MGAT4C: variants seen among roughly 807,000 people sequenced by gnomAD.
MGAT4C encodes the protein MGAT4 family member C.
Under a neutral mutation model 40.1 loss-of-function variants are expected in MGAT4C, and 19 were observed. That is an observed-to-expected ratio of 0.47 (90% CI 0.33 to 0.70). The LOEUF is 0.70. MGAT4C is among the 30% of genes least tolerant of loss of function. The pLI is 0.02. For missense variants in MGAT4C, 491 were observed against 563.2 expected (o/e 0.87, Z 1.30); for synonymous variants, 181 against 187.1 (o/e 0.97, Z 0.27).
chr12:86,342,035 C>T (rs894296472), intron 3 of MGAT4C, among the ~76,000 whole-genome samples: 1 of 152,034 alleles, frequency 6.6e-6, no homozygotes, highest in African/African-American at 2.4e-5. Flanking sequence ...TAAGTGGGTT[C>T]CTGTCAAGTT....
Position 86,373,178 on chromosome 12 carries a change from C to G in MGAT4C, c.-119-39051G>C, listed in dbSNP as rs965515363. On this transcript the variant is annotated intron_variant, in intron 3 of 7. Coordinates refer to the MGAT4C transcript ENST00000548651. ...GCTAAGAGATATTAACTGCGTTCCT[C>G]ATCTTGGTAACTGATAGGGTTAAGA... Among the ~76,000 whole-genome samples, 4 of 151,994 alleles carry G rather than the reference C, an allele frequency of 2.6e-5. No individual in the cohort carries two copies. In the South Asian group the frequency reaches 8.3e-4, roughly 31 times the overall value.
intron 2 of MGAT4C, among the ~76,000 whole-genome samples, chr12:86,601,686 G>A (rs2136460417): frequency 6.6e-6 from 1 of 152,252 alleles, no homozygotes; most frequent in African/African-American, 2.4e-5. Flanking sequence ...GAGCTAAAAG[G>A]CCTGTACCAC....
At chr12:86,718,603 G>A (rs1039733161) in intron 2 of MGAT4C, among the ~76,000 whole-genome samples, 3 of 152,080 alleles carry the variant, frequency 2.0e-5, no homozygotes, top group Non-Finnish European at 4.4e-5. Context: ...CCCTGACCAT[G>A]GACCACTACC....
chr12:86,681,168 A>G (rs1332918085), intron 2 of MGAT4C, among the ~76,000 whole-genome samples: 1 of 151,996 alleles, frequency 6.6e-6, no homozygotes, highest in African/African-American at 2.4e-5. Flanking sequence ...GTAATCCTCT[A>G]GCATCATATA....
rs113794044 is a variant in MGAT4C at position 86,408,782 on chromosome 12, A to G, written c.-120+26375T>C. ...TGATCTCATTATTTAATTGTTATCA[A>G]AAAGGAGAGATAGAACTTCTGTCTC... On this transcript the variant is annotated intron_variant, in intron 3 of 7. Coordinates refer to the MGAT4C transcript ENST00000548651. Among the ~76,000 whole-genome samples, 491 of 151,980 alleles carry G rather than the reference A, an allele frequency of 3.2e-3. 1 individual carries two copies. Among genetic ancestry groups the G allele is most frequent in the African/African-American group, 0.011 (474 of 41,486 alleles).
chr12:86,183,023 C>A (rs1402053256), intron 1 of MGAT4C, among the ~76,000 whole-genome samples: 2 of 152,052 alleles, frequency 1.3e-5, no homozygotes, highest in Admixed American at 6.6e-5. Flanking sequence ...TTAGACAGTA[C>A]TATAAAAAAC....
intron 3 of MGAT4C, among the ~76,000 whole-genome samples, chr12:86,426,121 T>A (rs1956920631): frequency 1.3e-5 from 2 of 152,216 alleles, no homozygotes; most frequent in African/African-American, 4.8e-5. Context: ...TATTTTGCAG[T>A]CATTCAAATA....
At chr12:86,663,130 T>C (rs1428940137) in intron 2 of MGAT4C, among the ~76,000 whole-genome samples, 1 of 150,452 alleles carries the variant, frequency 6.6e-6, no homozygotes, top group Non-Finnish European at 1.5e-5. Flanking sequence ...TGAAAGAAAG[T>C]GGAAGGTGGA....
At position 86,837,191 on chromosome 12, in the gene MGAT4C, T is replaced by C. The variant is rs188957478; in HGVS notation, c.-262+1475A>G. Among the ~76,000 whole-genome samples, 28 of 152,174 alleles carry C rather than the reference T, an allele frequency of 1.8e-4. No individual in the cohort carries two copies. The East Asian group carries it at 3.1e-3, about 17-fold the overall frequency. Reference sequence around the variant, plus strand: ...AAGGTTCCACAAAGGAGAGAAAGCTTGCCAAATGGAGGAATCCGTAGGGAA... The same window carrying C: ...AAGGTTCCACAAAGGAGAGAAAGCTCGCCAAATGGAGGAATCCGTAGGGAA... On this transcript the variant is annotated intron_variant, in intron 1 of 7. Transcript: ENST00000548651.
chr12:86,227,263 A>G (rs551689449), intron 1 of MGAT4C, among the ~76,000 whole-genome samples: 1 of 151,926 alleles, frequency 6.6e-6, no homozygotes, highest in South Asian at 2.1e-4. Flanking sequence ...CTTCCAAATA[A>G]TGCAGTGGCC....
chr12:86,747,321 T>C (rs535279408), intron 1 of MGAT4C, among the ~76,000 whole-genome samples: 1 of 151,806 alleles, frequency 6.6e-6, no homozygotes, highest in South Asian at 2.1e-4. Flanking sequence ...CTTTCTGGAC[T>C]GTGCAGCTTG....
At position 85,983,581 on chromosome 12, in the gene MGAT4C, G is replaced by A. The variant is rs1884867992; in HGVS notation, c.237C>T (p.Phe79=). The A allele has an allele frequency of 1.2e-6, 2 of 1,600,248 alleles. No individual in the cohort carries two copies. Among genetic ancestry groups the A allele is most frequent in the Admixed American group, 3.5e-5 (2 of 57,776 alleles). Residue 79 remains phenylalanine (F), a synonymous_variant, in exon 4 of 5, where the codon TTC becomes TTT. Transcript: ENST00000611864. ...YVHTFKDLSN[F]SGAINVTYRY... The stretch of plus-strand genomic sequence containing the variant: ...GATAGGTGACATTTATGGCTCCTGA[G>A]AAATTAGATAAATCCTTGAAAGTAT...
At chr12:86,589,925 C>T (rs572854151) in intron 2 of MGAT4C, among the ~76,000 whole-genome samples, 8 of 151,978 alleles carry the variant, frequency 5.3e-5, no homozygotes, top group East Asian at 3.9e-4. Flanking sequence ...TCAAAATATG[C>T]TTCTGCGTTT....
At chr12:86,823,426 G>A (rs1254874203) in intron 1 of MGAT4C, among the ~76,000 whole-genome samples, 1 of 150,930 alleles carries the variant, frequency 6.6e-6, no homozygotes, top group Non-Finnish European at 1.5e-5. Flanking sequence ...GTAATTATCT[G>A]TTAATTTTTA....
At chr12:86,090,721 C>A (rs2135568254) in intron 1 of MGAT4C, among the ~76,000 whole-genome samples, 1 of 151,968 alleles carries the variant, frequency 6.6e-6, no homozygotes, top group African/African-American at 2.4e-5. Context: ...AAACCCAAAG[C>A]CACAGTGAGC....
At chr12:86,707,337 T>C (rs567786413) in intron 2 of MGAT4C, among the ~76,000 whole-genome samples, 1 of 152,162 alleles carries the variant, frequency 6.6e-6, no homozygotes, top group South Asian at 2.1e-4. Flanking sequence ...CTGATAGCAA[T>C]ATGGAAAATA....
intron 2 of MGAT4C, among the ~76,000 whole-genome samples, chr12:86,706,916 AGTGAAT>A (rs1210035621): frequency 6.6e-6 from 1 of 152,194 alleles, no homozygotes; most frequent in Non-Finnish European, 1.5e-5. Flanking sequence ...TTCTCGTGAT[AGTGAAT>A]AAGTCTCATG....
At chr12:86,737,713 C>A (rs1197877688) in intron 1 of MGAT4C, among the ~76,000 whole-genome samples, 6 of 151,272 alleles carry the variant, frequency 4.0e-5, no homozygotes, top group African/African-American at 1.5e-4. Flanking sequence ...GTTTTGTCTT[C>A]ACCAACACAG....
At chr12:86,781,146 A>G (rs1016288373) in intron 1 of MGAT4C, among the ~76,000 whole-genome samples, 1 of 152,076 alleles carries the variant, frequency 6.6e-6, no homozygotes, top group Non-Finnish European at 1.5e-5. Flanking sequence ...TTTATATATA[A>G]TAATTGATTT....
Sources: allele counts gnomAD v4.1 joint callset (sites outside exome capture counted in the v4.1 genomes callset), GRCh38; gene constraint gnomAD v4.1.1; transcripts MANE v1.5; gene names NCBI Gene and HGNC (gene_info 2026-07-23, HGNC 2026-07-21).